The following FAM227B variants were observed in gnomAD, a reference collection of about 807,000 sequenced individuals.
FAM227B encodes protein FAM227B.
In FAM227B, 88 loss-of-function variants were observed where a neutral mutation model predicts 73.8. The observed-to-expected ratio is 1.19, with a 90% CI of 1.00 to 1.42. FAM227B has a LOEUF of 1.42. Among genes scored for constraint, FAM227B ranks in the 40% most tolerant of loss-of-function variants. FAM227B has a pLI of 0.00. For synonymous variants in FAM227B, 210 were observed against 190.5 expected (o/e 1.10, Z -0.84); for missense variants, 632 against 590.9 (o/e 1.07, Z -0.72).
At chr15:49,411,843 A>G (rs2048891604) in intron 11 of FAM227B, among the ~76,000 whole-genome samples, 1 of 152,086 alleles carries the variant, frequency 6.6e-6, no homozygotes, top group Non-Finnish European at 1.5e-5. Flanking sequence ...GACATTTCCA[A>G]AATTGTGCAC....
chr15:49,483,388 T>C lies in FAM227B; in HGVS notation c.1012+24823A>G. Reference sequence around the variant, plus strand: ...TTAATGATTTTATTAAAACACTTTATACTCAAACGTTAAGAAAAAATGTTT... The same window carrying C: ...TTAATGATTTTATTAAAACACTTTACACTCAAACGTTAAGAAAAAATGTTT... On this transcript the variant is annotated intron_variant, in intron 11 of 15. Transcript: ENST00000299338. The C allele has an allele frequency of 8.7e-6, 5 of 577,362 alleles. 1 individual carries two copies. In the South Asian group the frequency reaches 1.1e-4, roughly 13 times the overall value. The allele number at this position is 577,362 out of a possible 1,614,324, so 35.8% of individuals were successfully genotyped here. A position where few individuals can be genotyped will look rare whatever the true frequency, so the allele number is the denominator to read the frequency against.
intron 11 of FAM227B, among the ~76,000 whole-genome samples, chr15:49,503,869 G>A (rs905318349): frequency 5.3e-5 from 8 of 152,238 alleles, no homozygotes; most frequent in East Asian, 1.9e-4. Context: ...TCAGTGTGGC[G>A]ATTCCTCAGG....
intron 11 of FAM227B, among the ~76,000 whole-genome samples, chr15:49,388,526 C>A (rs577691701): frequency 6.6e-6 from 1 of 151,774 alleles, no homozygotes; most frequent in Non-Finnish European, 1.5e-5. Flanking sequence ...TGAAACTATA[C>A]AAATTCTAGA....
chr15:49,533,024 C>A (rs538299689), intron 10 of FAM227B, among the ~76,000 whole-genome samples: 24 of 152,022 alleles, frequency 1.6e-4, no homozygotes, highest in African/African-American at 5.5e-4. Context: ...GTGTCCCCCC[C>A]ACACTGCTCC....
intron 11 of FAM227B, among the ~76,000 whole-genome samples, chr15:49,425,713 G>C (rs530760980): frequency 6.6e-6 from 1 of 151,848 alleles, no homozygotes; most frequent in Admixed American, 6.6e-5. Flanking sequence ...AGAGAATTAT[G>C]TTTCCAATAT....
At chr15:49,568,474 C>T (rs759120127) in intron 8 of FAM227B, 128 bp from the exon 9 acceptor site, 59 of 735,696 alleles carry the variant, frequency 8.0e-5, no homozygotes, top group Non-Finnish European at 1.0e-4. Flanking sequence ...CATGGGTTTT[C>T]GCATAATGCA....
intron 11 of FAM227B, among the ~76,000 whole-genome samples, chr15:49,379,688 C>A (rs2046395258): frequency 6.6e-6 from 1 of 152,134 alleles, no homozygotes; most frequent in Non-Finnish European, 1.5e-5. Flanking sequence ...CCAGCAGAAT[C>A]CTCTGGATTA....
At position 49,489,841 on chromosome 15, in the gene FAM227B, TTATATATATATATATATTTTATATATA is replaced by T. The variant is rs1236452748; in HGVS notation, c.1012+18343_1012+18369del. Among the ~76,000 whole-genome samples, 38 of 22,982 alleles carry T rather than the reference TTATATATATATATATATTTTATATATA, an allele frequency of 1.7e-3. 1 individual carries two copies. The highest frequency in any genetic ancestry group is 3.2e-3 in the East Asian group (1 of 308). 15.1% of individuals were successfully genotyped at this position (22,982 alleles called of 152,430 possible). ...TATATTTTATATATATATATATATT[TTATATATATATATATATTTTATATATA>T]TATATATATATATATAGAGAGAGAG... On this transcript the variant is annotated intron_variant, in intron 11 of 15. Transcript: ENST00000299338.
intron 13 of FAM227B, among the ~76,000 whole-genome samples, chr15:49,366,954 C>G (rs1010950451): frequency 2.0e-5 from 3 of 152,116 alleles, no homozygotes; most frequent in Non-Finnish European, 2.9e-5. Context: ...GGGCCCTACC[C>G]CTGCTTCAAC....
intron 10 of FAM227B, among the ~76,000 whole-genome samples, chr15:49,517,782 C>A (rs1197975200): frequency 1.3e-5 from 2 of 152,136 alleles, no homozygotes; most frequent in African/African-American, 4.8e-5. Context: ...TAGGAGTCCT[C>A]TGTTCTAGTT....
intron 9 of FAM227B, among the ~76,000 whole-genome samples, chr15:49,558,485 C>T (rs79944835): frequency 0.014 from 2,110 of 152,260 alleles, 42 homozygotes; most frequent in African/African-American, 0.049. Context: ...GTGAAAGGCC[C>T]ACTGCATAGC....
intron 11 of FAM227B, among the ~76,000 whole-genome samples, chr15:49,495,774 G>C (rs1368185459): frequency 6.6e-6 from 1 of 152,114 alleles, no homozygotes; most frequent in African/African-American, 2.4e-5. Flanking sequence ...TTTAATCCCA[G>C]CACTTTGGGA....
intron 11 of FAM227B, among the ~76,000 whole-genome samples, chr15:49,408,136 A>G (rs1482461732): frequency 6.6e-6 from 1 of 152,228 alleles, no homozygotes; most frequent in Non-Finnish European, 1.5e-5. Context: ...AAGTTGGGAA[A>G]CATTTGAAGT....
intron 1 of FAM227B, among the ~76,000 whole-genome samples, chr15:49,617,091 A>G (rs1598597853): frequency 1.3e-5 from 2 of 152,292 alleles, no homozygotes; most frequent in South Asian, 4.1e-4. Context: ...ACCTTGCTCT[A>G]CTATGAAGCT....
At chr15:49,533,771 A>G (rs1477376478) in intron 10 of FAM227B, among the ~76,000 whole-genome samples, 1 of 151,868 alleles carries the variant, frequency 6.6e-6, no homozygotes, top group Non-Finnish European at 1.5e-5. Context: ...CAAAGCTGAA[A>G]TAAGTCTCTT....
chr15:49,610,575 C>A (rs1208364816), intron 3 of FAM227B, among the ~76,000 whole-genome samples: 1 of 151,810 alleles, frequency 6.6e-6, no homozygotes, highest in Non-Finnish European at 1.5e-5. Context: ...ATTTATATTC[C>A]AATCCACTCA....
chr15:49,588,195 A>G (rs539445725), intron 4 of FAM227B, 112 bp from the exon 5 acceptor site: 371 of 599,760 alleles, frequency 6.2e-4, no homozygotes, highest in Non-Finnish European at 8.2e-4. Flanking sequence ...ATTCAATGAA[A>G]TCAATTAGCA....
At chr15:49,560,573 T>G (rs549668154) in intron 9 of FAM227B, among the ~76,000 whole-genome samples, 64 of 152,258 alleles carry the variant, frequency 4.2e-4, no homozygotes, top group Middle Eastern at 6.8e-3. Flanking sequence ...AGGCATATAG[T>G]CAACAGAGTG....
intron 5 of FAM227B, among the ~76,000 whole-genome samples, chr15:49,579,052 G>A (rs1350887441): frequency 3.9e-5 from 6 of 152,170 alleles, no homozygotes; most frequent in East Asian, 3.9e-4. Flanking sequence ...AATGGCCTAC[G>A]AAAAACGTTC....
Sources: allele counts gnomAD v4.1 joint callset (sites outside exome capture counted in the v4.1 genomes callset), GRCh38; gene constraint gnomAD v4.1.1; transcripts MANE v1.5; gene names NCBI Gene and HGNC (gene_info 2026-07-23, HGNC 2026-07-21).